The following MAP4K3 variants were observed in gnomAD, a reference collection of about 807,000 sequenced individuals.
MAP4K3 encodes MAPK/ERK kinase kinase kinase 3.
Under a neutral mutation model 143.5 loss-of-function variants are expected in MAP4K3, and 94 were observed. That is an observed-to-expected ratio of 0.65 (90% CI 0.55 to 0.78). MAP4K3 has a LOEUF of 0.78. Among genes scored for constraint, MAP4K3 ranks in the 30% least tolerant of loss-of-function variants. The pLI, the probability that MAP4K3 is intolerant of heterozygous loss-of-function variation, is 0.00. For missense variants in MAP4K3, 1,077 were observed against 1,068.1 expected (o/e 1.01, Z -0.12); for synonymous variants, 416 against 347.2 (o/e 1.20, Z -2.20).
At chr2:39,279,182 G>A (rs754448191) in intron 23 of MAP4K3, among the ~76,000 whole-genome samples, 1 of 152,140 alleles carries the variant, frequency 6.6e-6, no homozygotes, top group Non-Finnish European at 1.5e-5. Flanking sequence ...AGATAATACA[G>A]GTCAAGAACT....
chr2:39,285,497 G>T (rs991070584), intron 21 of MAP4K3, among the ~76,000 whole-genome samples: 1 of 152,132 alleles, frequency 6.6e-6, no homozygotes, highest in Non-Finnish European at 1.5e-5. Context: ...ATTGTTGAAA[G>T]CAAAAAGGCA....
At chr2:39,315,618 G>A in intron 12 of MAP4K3, 1 of 461,466 alleles carries the variant, frequency 2.2e-6, no homozygotes. Context: ...GTACTAGAAA[G>A]GGCACTTCTT....
intron 4 of MAP4K3, among the ~76,000 whole-genome samples, chr2:39,342,979 G>A (rs2148535101): frequency 6.6e-6 from 1 of 152,216 alleles, no homozygotes; most frequent in East Asian, 1.9e-4. Context: ...CTCGGAATCT[G>A]GCAGTATCTA....
At chr2:39,409,127 A>G (rs962225708) in intron 1 of MAP4K3, among the ~76,000 whole-genome samples, 3 of 152,168 alleles carry the variant, frequency 2.0e-5, no homozygotes, top group Non-Finnish European at 4.4e-5. Flanking sequence ...ACAAGGATAG[A>G]CACTTATGAT....
intron 7 of MAP4K3, 53 bp downstream of exon 7, chr2:39,333,479 T>C (rs1380389265): frequency 5.1e-6 from 7 of 1,374,978 alleles, no homozygotes; most frequent in Non-Finnish European, 7.2e-6. Flanking sequence ...AACATAAACT[T>C]TACTATATCT....
chr2:39,255,221 T>G (rs991012265), intron 31 of MAP4K3, among the ~76,000 whole-genome samples: 4 of 152,236 alleles, frequency 2.6e-5, no homozygotes, highest in African/African-American at 9.6e-5. Flanking sequence ...AGTTTTGCAT[T>G]ATTACAAACA....
At chr2:39,410,297 T>A (rs958954320) in intron 1 of MAP4K3, among the ~76,000 whole-genome samples, 4 of 152,190 alleles carry the variant, frequency 2.6e-5, no homozygotes, top group Non-Finnish European at 4.4e-5. Flanking sequence ...ATAGCCACAA[T>A]CAAGAATTTG....
chr2:39,403,274 A>G (rs2148609657), intron 1 of MAP4K3, among the ~76,000 whole-genome samples: 1 of 152,310 alleles, frequency 6.6e-6, no homozygotes, highest in Non-Finnish European at 1.5e-5. Context: ...CACCTTTATA[A>G]GAACCAAAAC....
Position 39,331,904 on chromosome 2 carries a change from A to T in MAP4K3, c.530+13T>A. On this transcript the variant is annotated intron_variant, in intron 8 of 33. Coordinates refer to ENST00000263881, the MANE Select transcript of MAP4K3 (RefSeq NM_003618.4). ...TAGAACAAAGTATTAAATATCAATT[A>T]AAATACAATTACCAATATGGTGTGC... is the stretch of plus-strand genomic sequence containing the variant. 1 of 1,527,302 alleles carries T rather than the reference A, an allele frequency of 6.5e-7. No individual in the cohort carries two copies. The highest frequency in any genetic ancestry group is 9.0e-7 in the Non-Finnish European group (1 of 1,114,576). The allele number at this position is 1,527,302 out of a possible 1,614,324, so 94.6% of individuals were successfully genotyped here. A position where few individuals can be genotyped will look rare whatever the true frequency, so the allele number is the denominator to read the frequency against.
intron 1 of MAP4K3, among the ~76,000 whole-genome samples, chr2:39,409,520 G>C (rs1376283265): frequency 6.6e-6 from 1 of 152,092 alleles, no homozygotes; most frequent in Non-Finnish European, 1.5e-5. Flanking sequence ...TTTGAACCCA[G>C]AAGTTTGAGT....
chr2:39,356,019 T>C (rs1573191669), intron 3 of MAP4K3: 4 of 411,740 alleles, frequency 9.7e-6, no homozygotes, highest in Non-Finnish European at 1.7e-5. Context: ...GGTTTTTACT[T>C]GCCAGCATTT....
At chr2:39,294,787 A>G (rs1446992566) in intron 16 of MAP4K3, among the ~76,000 whole-genome samples, 6 of 152,226 alleles carry the variant, frequency 3.9e-5, no homozygotes, top group Admixed American at 3.9e-4. Context: ...TATTGGCTAA[A>G]TAACATTTCC....
intron 2 of MAP4K3, among the ~76,000 whole-genome samples, chr2:39,361,462 G>A (rs756081984): frequency 3.2e-4 from 48 of 150,304 alleles, no homozygotes; most frequent in Non-Finnish European, 6.4e-4. Flanking sequence ...AAAATAAGGC[G>A]GTATAAACAG....
intron 16 of MAP4K3, among the ~76,000 whole-genome samples, chr2:39,299,130 C>A (rs1479213200): frequency 6.6e-6 from 1 of 152,094 alleles, no homozygotes; most frequent in Non-Finnish European, 1.5e-5. Flanking sequence ...TAGCAAAATT[C>A]TGTCTCCCAT....
At chr2:39,301,159 A>C (rs1035828995) in intron 15 of MAP4K3, among the ~76,000 whole-genome samples, 7 of 152,356 alleles carry the variant, frequency 4.6e-5, no homozygotes, top group African/African-American at 1.7e-4. Context: ...AATTAAAATC[A>C]AAATCCTGGT....
At chr2:39,288,023 C>T in intron 20 of MAP4K3, 98 bp downstream of exon 20, 1 of 1,440,964 alleles carries the variant, frequency 6.9e-7, no homozygotes, top group South Asian at 1.3e-5. Flanking sequence ...TTCTGTCCTC[C>T]ACCAAAAGAA....
intron 29 of MAP4K3, 77 bp from the exon 30 acceptor site, chr2:39,258,664 TCTGAGGATAACAATA>T (rs1285997488): frequency 9.8e-7 from 1 of 1,019,916 alleles, no homozygotes; most frequent in African/African-American, 1.6e-5. Flanking sequence ...GAAAAAGAAT[TCTGAGGATAACAATA>T]CTTGAAACGG....
chr2:39,355,229 C>T (rs536912505), intron 3 of MAP4K3, among the ~76,000 whole-genome samples: 105 of 152,024 alleles, frequency 6.9e-4, no homozygotes, highest in African/African-American at 2.5e-3. Flanking sequence ...GGCGTGGTGC[C>T]ACGTGGCTGC....
At chr2:39,365,170 C>A (rs1665885870) in intron 2 of MAP4K3, among the ~76,000 whole-genome samples, 1 of 152,100 alleles carries the variant, frequency 6.6e-6, no homozygotes, top group African/African-American at 2.4e-5. Flanking sequence ...ATACTAGAGT[C>A]AGGCTGGAAT....
Sources: gnomAD v4.1 joint callset for allele counts (sites outside exome capture counted in the v4.1 genomes callset) on GRCh38, gnomAD v4.1.1 for gene constraint, MANE v1.5 for transcripts, NCBI Gene and HGNC (gene_info 2026-07-23, HGNC 2026-07-21) for gene names.